Variants in ETV6 observed in about 807,000 individuals in gnomAD.
The protein encoded by ETV6 is transcription factor ETV6.
A neutral mutation model predicts 51.1 loss-of-function variants in ETV6; 16 were observed. The ratio of observed to expected loss-of-function variants is 0.31; its 90% CI spans 0.21 to 0.48. ETV6 has a LOEUF of 0.48. Ranked by LOEUF, ETV6 falls within the 20% of genes least tolerant of loss-of-function variation. The probability of loss-of-function intolerance (pLI) is 0.99; values close to 1 mark genes in which losing one functional copy is unlikely to be tolerated. For synonymous variants in ETV6, 240 were observed against 224.1 expected, an observed-to-expected ratio of 1.07 and a Z score of -0.64; for missense variants, 458 against 594.8, an observed-to-expected ratio of 0.77 and a Z score of 2.39.
At chr12:11,862,286 A>G (rs1432799674) in intron 4 of ETV6, among the ~76,000 whole-genome samples, 1 of 152,176 alleles carries the variant, frequency 6.6e-6, no homozygotes, top group African/African-American at 2.4e-5. Context: ...ACATTGGCAC[A>G]TTGTGGGGAT....
chr12:11,863,740 G>A (rs2136522578), intron 4 of ETV6, among the ~76,000 whole-genome samples: 1 of 152,322 alleles, frequency 6.6e-6, no homozygotes, highest in South Asian at 2.1e-4. Flanking sequence ...TTCTCTGCCT[G>A]CCGGCTCTGG....
intron 1 of ETV6, chr12:11,716,449 C>T (rs1384311406): frequency 4.6e-5 from 7 of 151,824 alleles, no homozygotes; most frequent in East Asian, 1.9e-4. Context: ...TGACCTGAAC[C>T]GCTGGGGTCC....
At chr12:11,744,674 A>G (rs1001766785) in intron 1 of ETV6, among the ~76,000 whole-genome samples, 3 of 152,184 alleles carry the variant, frequency 2.0e-5, no homozygotes, top group Non-Finnish European at 2.9e-5. Context: ...GCAATCCTCT[A>G]TATCATGGCA....
At chr12:11,868,605 G>C (rs1351178670) in intron 4 of ETV6, among the ~76,000 whole-genome samples, 2 of 151,420 alleles carry the variant, frequency 1.3e-5, no homozygotes, top group Admixed American at 1.3e-4. Context: ...ACCCAGCCAG[G>C]AGTGCTATAA....
intron 2 of ETV6, among the ~76,000 whole-genome samples, chr12:11,824,554 GGA>G (rs1247292740): frequency 6.6e-6 from 1 of 152,174 alleles, no homozygotes; most frequent in Non-Finnish European, 1.5e-5. Context: ...CGAGGCAGGT[GGA>G]TCACCTGAGG....
At chr12:11,730,767 A>G (rs1865579570) in intron 1 of ETV6, among the ~76,000 whole-genome samples, 2 of 152,204 alleles carry the variant, frequency 1.3e-5, no homozygotes, top group South Asian at 4.1e-4. Context: ...TTAGAGCAGA[A>G]GTAGAGGAAT....
intron 2 of ETV6, among the ~76,000 whole-genome samples, chr12:11,833,776 C>T (rs1039328187): frequency 6.6e-6 from 1 of 152,170 alleles, no homozygotes; most frequent in African/African-American, 2.4e-5. Flanking sequence ...CAAGTAAGTG[C>T]ATTGCTGTTA....
intron 1 of ETV6, among the ~76,000 whole-genome samples, chr12:11,728,614 GT>G (rs1468982785): frequency 6.6e-6 from 1 of 152,064 alleles, no homozygotes; most frequent in Admixed American, 6.5e-5. Flanking sequence ...TGCCAAAAAG[GT>G]TGAGGACTGC....
At chr12:11,846,888 T>G (rs1006454363) in intron 3 of ETV6, among the ~76,000 whole-genome samples, 11 of 152,236 alleles carry the variant, frequency 7.2e-5, no homozygotes, top group African/African-American at 2.7e-4. Flanking sequence ...TTTGTTTTGT[T>G]TTGAGATGGA....
At chr12:11,690,340 T>C (rs1483323571) in intron 1 of ETV6, among the ~76,000 whole-genome samples, 1 of 152,102 alleles carries the variant, frequency 6.6e-6, no homozygotes, top group Non-Finnish European at 1.5e-5. Context: ...GATATTCTTG[T>C]AGTTTCATTT....
intron 2 of ETV6, among the ~76,000 whole-genome samples, chr12:11,810,301 G>T (rs979935937): frequency 6.6e-6 from 1 of 152,206 alleles, no homozygotes; most frequent in African/African-American, 2.4e-5. Context: ...AGTCCAACTT[G>T]AGAGCTCGTG....
intron 2 of ETV6, among the ~76,000 whole-genome samples, chr12:11,815,147 C>T (rs796469855): frequency 1.2e-4 from 19 of 152,196 alleles, no homozygotes; most frequent in African/African-American, 3.9e-4. Context: ...ATAGTCATGT[C>T]GAAGAACCTT....
intron 1 of ETV6, among the ~76,000 whole-genome samples, chr12:11,740,912 A>G (rs1865794804): frequency 6.6e-6 from 1 of 152,108 alleles, no homozygotes; most frequent in Non-Finnish European, 1.5e-5. Flanking sequence ...TCATTCAGGG[A>G]TCTTCTTAGC....
chr12:11,743,277 A>T (rs1259045900), intron 1 of ETV6, among the ~76,000 whole-genome samples: 3 of 152,216 alleles, frequency 2.0e-5, no homozygotes, highest in African/African-American at 7.2e-5. Context: ...CATTTTCCAG[A>T]GATATAAATC....
chr12:11,837,719 C>G (rs893068351), intron 2 of ETV6, among the ~76,000 whole-genome samples: 12 of 152,220 alleles, frequency 7.9e-5, no homozygotes, highest in Non-Finnish European at 1.2e-4. Context: ...GGAAGCTCCT[C>G]TTAGCAACAC....
At chr12:11,656,170 A>G (rs1178972160) in intron 1 of ETV6, among the ~76,000 whole-genome samples, 1 of 152,032 alleles carries the variant, frequency 6.6e-6, no homozygotes, top group Admixed American at 6.6e-5. Flanking sequence ...ACAGCTCTCT[A>G]TGGATGCAGT....
intron 2 of ETV6, among the ~76,000 whole-genome samples, chr12:11,811,266 T>G (rs1007351934): frequency 6.6e-6 from 1 of 152,234 alleles, no homozygotes; most frequent in Non-Finnish European, 1.5e-5. Flanking sequence ...TCTGTTTATA[T>G]AAAGCTTGGC....
At chr12:11,689,819 C>A (rs953123569) in intron 1 of ETV6, among the ~76,000 whole-genome samples, 1 of 108,112 alleles carries the variant, frequency 9.2e-6, no homozygotes, top group Non-Finnish European at 1.9e-5. Flanking sequence ...TCCCCCCCCC[C>A]CCCACCCCCC....
intron 2 of ETV6, among the ~76,000 whole-genome samples, chr12:11,762,512 G>C (rs1565516333): frequency 1.3e-5 from 2 of 152,164 alleles, no homozygotes; most frequent in Admixed American, 6.5e-5. Context: ...TCCTCCCTTA[G>C]CCGGCTCCGT....
Sources: gnomAD v4.1 joint callset for allele counts (sites outside exome capture counted in the v4.1 genomes callset) on GRCh38, gnomAD v4.1.1 for gene constraint, MANE v1.5 for transcripts, NCBI Gene and HGNC (gene_info 2026-07-23, HGNC 2026-07-21) for gene names.